The following PTPRD variants were observed in gnomAD, a reference collection of about 807,000 sequenced individuals.
The protein encoded by PTPRD is protein tyrosine phosphatase receptor type D.
A neutral mutation model predicts 214.5 loss-of-function variants in PTPRD; 34 were observed. The ratio of observed to expected loss-of-function variants is 0.16; its 90% confidence interval spans 0.12 to 0.21. PTPRD has a LOEUF of 0.21. Among genes scored for constraint, PTPRD ranks in the 10% least tolerant of loss-of-function variants. The pLI is 1.00. For synonymous variants in PTPRD, 1,128 were observed against 845.7 expected, an observed-to-expected ratio of 1.33 and a Z score of -5.79; for missense variants, 2,545 against 2,398.7, an observed-to-expected ratio of 1.06 and a Z score of -1.27.
chr9:9,219,978 T>C (rs2099954748), intron 9 of PTPRD, among the ~76,000 whole-genome samples: 1 of 152,154 alleles, frequency 6.6e-6, no homozygotes, highest in Admixed American at 6.6e-5. Context: ...CTTTTCACAG[T>C]GATATACAAA....
chr9:8,432,868 G>A (rs1338098020), intron 35 of PTPRD, among the ~76,000 whole-genome samples: 2 of 152,156 alleles, frequency 1.3e-5, no homozygotes, highest in Admixed American at 1.3e-4. Flanking sequence ...GTCTATGTGG[G>A]CTATCAGGTC....
At chr9:10,611,985 GAGTT>G in intron 2 of PTPRD, among the ~76,000 whole-genome samples, 1 of 150,548 alleles carries the variant, frequency 6.6e-6, no homozygotes, top group East Asian at 2.0e-4. Flanking sequence ...AGTAGGGTGG[GAGTT>G]AGCATGGATT....
At chr9:10,563,111 G>C (rs556239856) in intron 2 of PTPRD, among the ~76,000 whole-genome samples, 10 of 152,218 alleles carry the variant, frequency 6.6e-5, no homozygotes, top group African/African-American at 2.4e-4. Context: ...TTCCCCACTT[G>C]TCATGGAAAA....
Position 10,306,905 on chromosome 9 carries a change from A to T in PTPRD, c.-545+34058T>A, listed in dbSNP as rs117183947. On this transcript the variant is annotated intron_variant, in intron 3 of 45. Transcript: ENST00000381196. The stretch of plus-strand genomic sequence containing the variant: ...ACTATGTTTATACAAAAATAATAAA[A>T]CCCTACGGTAGAAACACAAGCAATT... Among the ~76,000 whole-genome samples, 613 of 152,260 alleles carry T rather than the reference A, an allele frequency of 4.0e-3. 8 individuals carry two copies. The highest frequency in any genetic ancestry group is 0.027 in the East Asian group (138 of 5,178).
chr9:8,396,551 T>C (rs575128861), intron 36 of PTPRD, among the ~76,000 whole-genome samples: 2 of 151,786 alleles, frequency 1.3e-5, no homozygotes, highest in South Asian at 2.1e-4. Context: ...CTGAAGACAA[T>C]AGAGATAAAA....
intron 11 of PTPRD, among the ~76,000 whole-genome samples, chr9:8,787,627 G>T (rs1428443161): frequency 6.6e-6 from 1 of 152,196 alleles, no homozygotes; most frequent in Non-Finnish European, 1.5e-5. Flanking sequence ...GTTGAAGAAG[G>T]TAGAGAAACG....
intron 7 of PTPRD, among the ~76,000 whole-genome samples, chr9:9,611,624 A>G (rs996474933): frequency 1.3e-5 from 2 of 152,044 alleles, no homozygotes; most frequent in Non-Finnish European, 2.9e-5. Context: ...TATATTGGTC[A>G]TCCATAGTTT....
chr9:9,805,084 G>T (rs1018189632), intron 5 of PTPRD, among the ~76,000 whole-genome samples: 3 of 151,920 alleles, frequency 2.0e-5, no homozygotes, highest in African/African-American at 7.3e-5. Context: ...CTTTTAATTA[G>T]AAAAAATAAA....
chr9:10,016,795 G>A (rs758713584), intron 4 of PTPRD, among the ~76,000 whole-genome samples: 4 of 151,996 alleles, frequency 2.6e-5, no homozygotes, highest in South Asian at 2.1e-4. Flanking sequence ...CTCCAAAGTA[G>A]CAGGGACTAC....
At chr9:8,637,117 C>A (rs1564884091) in intron 12 of PTPRD, among the ~76,000 whole-genome samples, 1 of 152,110 alleles carries the variant, frequency 6.6e-6, no homozygotes, top group Non-Finnish European at 1.5e-5. Flanking sequence ...CGAAAAGCAA[C>A]ATCACACATT....
intron 3 of PTPRD, among the ~76,000 whole-genome samples, chr9:10,229,365 G>T (rs542539672): frequency 1.3e-5 from 2 of 152,066 alleles, no homozygotes; most frequent in East Asian, 3.9e-4. Context: ...TATACCCAAA[G>T]GACTATAAAT....
At chr9:8,619,696 A>G (rs1300457798) in intron 14 of PTPRD, among the ~76,000 whole-genome samples, 1 of 151,818 alleles carries the variant, frequency 6.6e-6, no homozygotes, top group African/African-American at 2.4e-5. Context: ...AAACTCAAGG[A>G]CGATGACTAA....
chr9:9,605,954 G>A (rs922630722), intron 7 of PTPRD, among the ~76,000 whole-genome samples: 1 of 151,796 alleles, frequency 6.6e-6, no homozygotes, highest in Non-Finnish European at 1.5e-5. Flanking sequence ...ACAATGGTTC[G>A]GCTGTCATTT....
intron 3 of PTPRD, among the ~76,000 whole-genome samples, chr9:10,207,071 ATATCTC>A (rs2154338424): frequency 6.6e-6 from 1 of 152,290 alleles, no homozygotes; most frequent in South Asian, 2.1e-4. Context: ...TCATCTATCT[ATATCTC>A]TATATGTGTA....
At chr9:8,383,963 T>C (rs1031520774) in intron 37 of PTPRD, among the ~76,000 whole-genome samples, 2 of 152,184 alleles carry the variant, frequency 1.3e-5, no homozygotes, top group Non-Finnish European at 2.9e-5. Context: ...GGTTGATGCA[T>C]TCTCTCTGTG....
At chr9:10,433,549 A>G (rs1006996150) in intron 2 of PTPRD, among the ~76,000 whole-genome samples, 54 of 152,056 alleles carry the variant, frequency 3.6e-4, no homozygotes, top group African/African-American at 1.3e-3. Flanking sequence ...ATATGCTCTT[A>G]TGTCATCTGT....
chr9:10,292,473 T>C (rs1183610514), intron 3 of PTPRD, among the ~76,000 whole-genome samples: 2 of 151,974 alleles, frequency 1.3e-5, no homozygotes, highest in African/African-American at 4.8e-5. Context: ...GTCTCAAAAA[T>C]TGTCTACAAA....
intron 3 of PTPRD, among the ~76,000 whole-genome samples, chr9:10,063,039 T>A (rs1370266519): frequency 6.6e-6 from 1 of 152,090 alleles, no homozygotes; most frequent in East Asian, 1.9e-4. Context: ...ATTGAATTTT[T>A]AGTATAGCCA....
chr9:9,275,160 T>C (rs1214078356), intron 9 of PTPRD, among the ~76,000 whole-genome samples: 3 of 51,900 alleles, frequency 5.8e-5, no homozygotes, highest in Non-Finnish European at 9.3e-5. Flanking sequence ...ATATTATATA[T>C]ATAACATATA....
Sources: allele counts gnomAD v4.1 joint callset (sites outside exome capture counted in the v4.1 genomes callset), GRCh38; gene constraint gnomAD v4.1.1; transcripts MANE v1.5; gene names NCBI Gene and HGNC (gene_info 2026-07-23, HGNC 2026-07-21).